Variants in GRB2 observed in about 807,000 individuals in gnomAD.
The protein encoded by GRB2 is growth factor receptor-bound protein 2.
Under a neutral mutation model 27.4 loss-of-function variants are expected in GRB2, and 2 were observed. The observed-to-expected ratio is 0.07, with a 90% CI of 0.03 to 0.23. The LOEUF is 0.23. Ranked by LOEUF, GRB2 falls within the 10% of genes least tolerant of loss-of-function variation. GRB2 has a pLI of 1.00. For synonymous variants in GRB2, 94 were observed against 99.6 expected, an observed-to-expected ratio of 0.94 and a Z score of 0.33; for missense variants, 102 against 282.4, an observed-to-expected ratio of 0.36 and a Z score of 4.58.
At chr17:75,372,938 G>T (rs1160017963) in intron 2 of GRB2, 1 of 152,154 alleles carries the variant, frequency 6.6e-6, no homozygotes, top group Non-Finnish European at 1.5e-5. Context: ...AACTATCAAA[G>T]AGCTAAAAGA....
chr17:75,393,671 G>C lies in GRB2; in HGVS notation c.-43C>G. The C allele has an allele frequency of 1.3e-6, 2 of 1,524,496 alleles. No individual in the cohort carries two copies. Among genetic ancestry groups the C allele is most frequent in the East Asian group, 4.5e-5 (2 of 44,420 alleles). 94.4% of individuals were successfully genotyped at this position (1,524,496 alleles called of 1,614,324 possible). A position where few individuals can be genotyped will look rare whatever the true frequency, so the allele number is the denominator to read the frequency against. On this transcript the variant is annotated 5_prime_UTR_variant, in exon 2 of 6. Coordinates refer to ENST00000316804, the MANE Select transcript of GRB2 (RefSeq NM_002086.5). ...GCTCAGCAGCCTGAAGCAGGGGGAA[G>C]GGAGTCTTCCCTGCTGAAGCAACCC...
At chr17:75,345,848 C>A (rs1295125880) in intron 2 of GRB2, among the ~76,000 whole-genome samples, 2 of 152,014 alleles carry the variant, frequency 1.3e-5, no homozygotes, top group Non-Finnish European at 2.9e-5. Context: ...GTGGGGGCTG[C>A]CTGAGAAAGC....
At chr17:75,386,122 T>C (rs2078962282) in intron 2 of GRB2, among the ~76,000 whole-genome samples, 1 of 152,102 alleles carries the variant, frequency 6.6e-6, no homozygotes, top group Admixed American at 6.6e-5. Flanking sequence ...TTAGAATAAA[T>C]TCTTTTTTTT....
At chr17:75,350,455 T>C (rs977222824) in intron 2 of GRB2, among the ~76,000 whole-genome samples, 11 of 152,190 alleles carry the variant, frequency 7.2e-5, no homozygotes. Context: ...ATCTAATCAA[T>C]GCAAGGAAAG....
At chr17:75,338,796 A>T in intron 2 of GRB2, 1 of 719,572 alleles carries the variant, frequency 1.4e-6, no homozygotes, top group Non-Finnish European at 2.5e-6. Flanking sequence ...AAAATATACA[A>T]GTCCTTTCTG....
chr17:75,356,503 A>G (rs1010975130), intron 2 of GRB2, among the ~76,000 whole-genome samples: 6 of 152,200 alleles, frequency 3.9e-5, no homozygotes, highest in Admixed American at 1.3e-4. Flanking sequence ...GCAAGACCCT[A>G]TCATTCGTTC....
chr17:75,380,101 G>C (rs2145862090), intron 2 of GRB2, among the ~76,000 whole-genome samples: 1 of 152,270 alleles, frequency 6.6e-6, no homozygotes, highest in African/African-American at 2.4e-5. Flanking sequence ...TATCTTATTA[G>C]ATTCTACAAA....
chr17:75,397,651 CACTT>C (rs2079036591), intron 1 of GRB2, among the ~76,000 whole-genome samples: 3 of 152,216 alleles, frequency 2.0e-5, no homozygotes, highest in Middle Eastern at 6.8e-3. Flanking sequence ...AGGCCCCTCA[CACTT>C]ACAGCTACAG....
At chr17:75,353,777 G>A (rs1404957286) in intron 2 of GRB2, among the ~76,000 whole-genome samples, 1 of 149,760 alleles carries the variant, frequency 6.7e-6, no homozygotes, top group Non-Finnish European at 1.5e-5. Flanking sequence ...AGTGGCTCAT[G>A]CCTGTAATCC....
At position 75,320,131 on chromosome 17, in the gene GRB2, C is replaced by A. The variant is rs1466632399; in HGVS notation, c.*237G>T. The A allele has an allele frequency of 4.5e-6, 2 of 448,986 alleles. No homozygotes were observed. The highest frequency in any genetic ancestry group is 8.1e-6 in the Non-Finnish European group (2 of 246,240). The allele number at this position is 448,986 out of a possible 1,614,324, so 27.8% of individuals were successfully genotyped here. On this transcript the variant is annotated 3_prime_UTR_variant, in exon 6 of 6. Transcript: ENST00000316804. This position sits in a 1 kb window ranked among gnomAD's most constrained non-coding sequence, Gnocchi z 4.3. ...AAAGACAAAGGAGGGGAAAGAGGAG[C>A]AGCAGTGAAAATTTGTAATAAAAAC...
At chr17:75,396,496 C>G (rs1265525418) in intron 1 of GRB2, among the ~76,000 whole-genome samples, 1 of 152,120 alleles carries the variant, frequency 6.6e-6, no homozygotes, top group Non-Finnish European at 1.5e-5. Context: ...TCTCTAGAGG[C>G]AGGCCCCTCA....
intron 2 of GRB2, among the ~76,000 whole-genome samples, chr17:75,335,982 G>A (rs888818688): frequency 2.6e-5 from 4 of 152,202 alleles, no homozygotes; most frequent in Non-Finnish European, 5.9e-5. Flanking sequence ...CAAGTTTGAG[G>A]AGGGAAAGTG....
intron 2 of GRB2, among the ~76,000 whole-genome samples, chr17:75,350,552 C>T (rs1023269490): frequency 3.3e-5 from 5 of 152,106 alleles, no homozygotes; most frequent in African/African-American, 4.8e-5. Flanking sequence ...AGTGCAGTGG[C>T]GCGATCTCGG....
chr17:75,325,598 GA>G (rs1440153977), intron 4 of GRB2, among the ~76,000 whole-genome samples: 2 of 152,214 alleles, frequency 1.3e-5, no homozygotes, highest in Non-Finnish European at 2.9e-5. Context: ...AGAGCTGCGG[GA>G]ATCCCTTGGA....
At chr17:75,328,036 G>A (rs1053175388) in intron 3 of GRB2, among the ~76,000 whole-genome samples, 1 of 152,100 alleles carries the variant, frequency 6.6e-6, no homozygotes, top group Non-Finnish European at 1.5e-5. Flanking sequence ...AAATATAAAA[G>A]GACAGGCTGG....
At chr17:75,395,665 CT>C (rs2079024959) in intron 1 of GRB2, among the ~76,000 whole-genome samples, 1 of 152,096 alleles carries the variant, frequency 6.6e-6, no homozygotes, top group South Asian at 2.1e-4. Flanking sequence ...AAAGAATGTG[CT>C]TTTACTGCTT....
chr17:75,345,384 C>G (rs2078648744), intron 2 of GRB2, among the ~76,000 whole-genome samples: 1 of 152,106 alleles, frequency 6.6e-6, no homozygotes, highest in African/African-American at 2.4e-5. Context: ...GACTATGATT[C>G]AAGGGGTCAA....
chr17:75,379,242 A>T (rs776434760), intron 2 of GRB2, among the ~76,000 whole-genome samples: 1 of 152,204 alleles, frequency 6.6e-6, no homozygotes, highest in Non-Finnish European at 1.5e-5. Context: ...TAAATTTTCT[A>T]ATGATGAGTG....
chr17:75,347,914 T>TA (rs1185182498), intron 2 of GRB2, among the ~76,000 whole-genome samples: 2 of 152,234 alleles, frequency 1.3e-5, no homozygotes, highest in East Asian at 3.8e-4. Flanking sequence ...ATATGTCTTT[T>TA]GGAATGCATT....
Sources: allele counts gnomAD v4.1 joint callset (sites outside exome capture counted in the v4.1 genomes callset), GRCh38; gene constraint gnomAD v4.1.1; non-coding constraint Gnocchi (gnomAD v3.1); transcripts MANE v1.5; gene names NCBI Gene and HGNC (gene_info 2026-07-23, HGNC 2026-07-21).